The following DMD variants were observed in gnomAD, a reference collection of about 807,000 sequenced individuals.
The protein encoded by DMD is dystrophin.
DMD carries 63 observed loss-of-function variants against 330.1 expected under a neutral mutation model. That is an observed-to-expected ratio of 0.19 (90% confidence interval 0.16 to 0.24). The LOEUF (loss-of-function observed/expected upper bound fraction) is 0.24. Among genes scored for constraint, DMD ranks in the 10% least tolerant of loss-of-function variants. DMD has a pLI of 1.00. For synonymous variants in DMD, 1,223 were observed against 959.8 expected (o/e 1.27, Z -5.07); for missense variants, 3,344 against 2,684.1 (o/e 1.25, Z -5.43).
intron 34 of DMD, among the ~76,000 whole-genome samples, chrX:32,368,592 C>T (rs767848227): frequency 6.2e-5 from 7 of 112,005 alleles, no homozygotes; most frequent in Non-Finnish European, 9.4e-5. Context: ...ACAAGAATGT[C>T]TGCATCTTCA....
At chrX:32,993,557 C>T (rs2093036675) in intron 2 of DMD, among the ~76,000 whole-genome samples, 1 of 108,190 alleles carries the variant, frequency 9.2e-6, no homozygotes. Context: ...GAGCTGATAT[C>T]ATGCCACTGC....
At chrX:31,598,411 A>G (rs937426250) in intron 55 of DMD, among the ~76,000 whole-genome samples, 7 of 111,796 alleles carry the variant, frequency 6.3e-5, no homozygotes, top group African/African-American at 2.3e-4. Flanking sequence ...GTCGTGAGCC[A>G]CCTTGCCTGG....
rs753896025 is a variant in DMD at position 32,772,693 on chromosome X, A to G, written c.649+36800T>C. ...TTTCTCCCTATGTAAGTGAACTAATATATCACTCCCTAATCAATCCCTGTA... is the reference window on the plus strand; with the variant it reads ...TTTCTCCCTATGTAAGTGAACTAATGTATCACTCCCTAATCAATCCCTGTA... On this transcript the variant is annotated intron_variant, in intron 7 of 78. Transcript: ENST00000357033. Among the ~76,000 whole-genome samples, 20 of 111,367 alleles carry G rather than the reference A, an allele frequency of 1.8e-4. No homozygotes were observed. In the South Asian group the frequency reaches 5.7e-3, roughly 32 times the overall value.
chrX:32,975,045 C>T lies in DMD; in HGVS notation c.93+45094G>A, dbSNP rs924440775. 5.4e-5 allele frequency among the ~76,000 whole-genome samples: 6 copies of T among 111,807 alleles called. No homozygotes were observed. The Admixed American group carries it at 5.7e-4, about 11-fold the overall frequency. ...AGAGCCATCTATAACATCCTTGAAA[C>T]TTACACAACCACTGACTAAACATTT... On this transcript the variant is annotated intron_variant, in intron 2 of 78. Transcript: ENST00000357033.
intron 62 of DMD, among the ~76,000 whole-genome samples, chrX:31,267,898 C>T (rs2051304431): frequency 8.9e-6 from 1 of 112,621 alleles, no homozygotes; most frequent in African/African-American, 3.2e-5. Context: ...CAAAGAGCAT[C>T]TTACGATAAA....
intron 7 of DMD, among the ~76,000 whole-genome samples, chrX:32,747,026 C>A (rs767803516): frequency 5.4e-5 from 6 of 112,049 alleles, no homozygotes; most frequent in Non-Finnish European, 7.5e-5. Flanking sequence ...CCACCAATTA[C>A]AGGATTTCAT....
intron 47 of DMD, among the ~76,000 whole-genome samples, chrX:31,914,416 G>A (rs2094583661): frequency 8.9e-6 from 1 of 112,057 alleles, no homozygotes; most frequent in Non-Finnish European, 1.9e-5. Flanking sequence ...GTATATTGAC[G>A]AAATATCTGC....
In DMD at chrX:33,137,958, A is replaced by G. The variant is rs764359375; in HGVS notation, c.31+73324T>C. Among the ~76,000 whole-genome samples, 407 of 112,100 alleles carry G rather than the reference A, an allele frequency of 3.6e-3. 1 individual carries two copies. The highest frequency in any genetic ancestry group is 0.012 in the African/African-American group (385 of 30,937). On this transcript the variant is annotated intron_variant, in intron 1 of 78. Coordinates refer to ENST00000357033, the MANE Select transcript of DMD (RefSeq NM_004006.3). Reference sequence around the variant, plus strand: ...TAGTTGAGATTTTCCTTGCTATGTGATAGGTACTGGTCTAAGTGATTTTTA... The same window carrying G: ...TAGTTGAGATTTTCCTTGCTATGTGGTAGGTACTGGTCTAAGTGATTTTTA...
At position 32,849,886 on chromosome X, in the gene DMD, T is replaced by TC. The variant is rs889781050; in HGVS notation, c.94-67dup. On this transcript the variant is annotated intron_variant, in intron 2 of 78. Coordinates refer to ENST00000357033, the MANE Select transcript of DMD (RefSeq NM_004006.3). ...TTCCAATGATACATTTTCACGATTA[T>TC]CCCCTTTTGAAAACTAAAGCTATAT... 57 of 826,707 alleles carry TC rather than the reference T, an allele frequency of 6.9e-5. 1 individual carries two copies. In the African/African-American group the frequency reaches 8.3e-4, roughly 12 times the overall value. The allele number at this position is 826,707 out of a possible 1,213,427, so 68.1% of individuals were successfully genotyped here.
At chrX:33,085,779 T>C (rs2094996029) in intron 1 of DMD, 1 of 111,417 alleles carries the variant, frequency 9.0e-6, no homozygotes, top group African/African-American at 3.3e-5. Context: ...ACCACTCATA[T>C]ACTCTCAGGG....
intron 50 of DMD, among the ~76,000 whole-genome samples, chrX:31,782,606 A>T (rs1450925857): frequency 9.0e-6 from 1 of 111,211 alleles, no homozygotes; most frequent in Non-Finnish European, 1.9e-5. Context: ...AAAAAAAAAA[A>T]TGATTCTTAT....
chrX:31,485,455 C>T (rs113861248), intron 57 of DMD, among the ~76,000 whole-genome samples: 2,815 of 111,731 alleles, frequency 0.025, 92 homozygotes, highest in South Asian at 0.18. Context: ...CTCGGCCTCG[C>T]AAAGTGCTGG....
chrX:31,792,866 G>A (rs1461481766), intron 50 of DMD, among the ~76,000 whole-genome samples: 2 of 111,806 alleles, frequency 1.8e-5, no homozygotes, highest in African/African-American at 6.5e-5. Flanking sequence ...TTTCACAGGA[G>A]GCAGCTGCCC....
intron 1 of DMD, among the ~76,000 whole-genome samples, chrX:33,338,229 T>C (rs1441843450): frequency 9.0e-6 from 1 of 111,246 alleles, no homozygotes; most frequent in South Asian, 3.8e-4. Context: ...CATGTGAAGA[T>C]AGGTTATAGA....
intron 2 of DMD, among the ~76,000 whole-genome samples, chrX:32,886,046 A>C (rs1472730272): frequency 9.0e-6 from 1 of 111,346 alleles, no homozygotes; most frequent in Admixed American, 9.6e-5. Flanking sequence ...TGACTGTATA[A>C]CAACATATGT....
chrX:32,011,621 C>T (rs751599436), intron 44 of DMD, among the ~76,000 whole-genome samples: 3 of 111,628 alleles, frequency 2.7e-5, no homozygotes, highest in Non-Finnish European at 5.6e-5. Context: ...TTCTGCTTGA[C>T]GCATCCTCCT....
At chrX:32,809,119 C>A (rs2077159504) in intron 7 of DMD, among the ~76,000 whole-genome samples, 1 of 111,360 alleles carries the variant, frequency 9.0e-6, no homozygotes, top group African/African-American at 3.3e-5. Context: ...ATGAAATTGG[C>A]AAGAGTAGCT....
At chrX:33,119,386 C>T (rs1287884306) in intron 1 of DMD, among the ~76,000 whole-genome samples, 1 of 112,385 alleles carries the variant, frequency 8.9e-6, no homozygotes, top group African/African-American at 3.2e-5. Context: ...TATTATCCAC[C>T]ATCAACTGAA....
At position 33,223,359 on chromosome X, in the gene DMD, C is replaced by G. The variant is rs1161036787; in HGVS notation, c.7+115900G>C. Among the ~76,000 whole-genome samples, 3 of 111,728 alleles carry G rather than the reference C, an allele frequency of 2.7e-5. No individual in the cohort carries two copies. In the East Asian group the frequency reaches 8.4e-4, roughly 31 times the overall value. On this transcript the variant is annotated intron_variant, in intron 1 of 17. Transcript: ENST00000288447. The stretch of plus-strand genomic sequence containing the variant: ...CAAAAACAATATTGAAGGACAAGCA[C>G]AAAGTCAGAAGATTGAGACTGCTCT...
Sources: allele counts gnomAD v4.1 joint callset (sites outside exome capture counted in the v4.1 genomes callset), GRCh38; gene constraint gnomAD v4.1.1; transcripts MANE v1.5; gene names NCBI Gene and HGNC (gene_info 2026-07-23, HGNC 2026-07-21).